GATAD1: variants seen among roughly 807,000 people sequenced by gnomAD.
GATAD1 encodes the protein GATA zinc finger domain-containing protein 1.
Under a neutral mutation model 26.5 loss-of-function variants are expected in GATAD1, and 12 were observed. The observed-to-expected ratio is 0.45, with a 90% CI of 0.29 to 0.73. The LOEUF (loss-of-function observed/expected upper bound fraction) is 0.73, where lower values mean the gene tolerates loss of function less well. Ranked by LOEUF, GATAD1 falls within the 30% of genes least tolerant of loss-of-function variation. The probability of loss-of-function intolerance (pLI) is 0.10; values close to 1 mark genes in which losing one functional copy is unlikely to be tolerated. For synonymous variants in GATAD1, 129 were observed against 133.1 expected, an observed-to-expected ratio of 0.97 and a Z score of 0.21; for missense variants, 266 against 342.1, an observed-to-expected ratio of 0.78 and a Z score of 1.75.
At chr7:92,460,378 A>G (rs1187366203), downstream of GATAD1, among the ~76,000 whole-genome samples, 1 of 152,144 alleles carries the variant, frequency 6.6e-6, no homozygotes, top group Non-Finnish European at 1.5e-5. Context: ...GTAGGAGGGT[A>G]TACCTCCTAC....
chr7:92,468,257 G>C, the GATAD1 span: 1 of 165,266 alleles, frequency 6.1e-6, no homozygotes, highest in South Asian at 1.7e-4. Context: ...CAGGAGCACA[G>C]CGGACACCCT....
the GATAD1 span, chr7:92,470,364 A>G: frequency 1.4e-6 from 1 of 711,510 alleles, no homozygotes; most frequent in Non-Finnish European, 2.6e-6. Flanking sequence ...AGAGAAAAAT[A>G]TGATAAGGGA....
chr7:92,486,686 G>A, the GATAD1 span, among the ~76,000 whole-genome samples: 2 of 151,894 alleles, frequency 1.3e-5, no homozygotes, highest in African/African-American at 4.8e-5. Context: ...TTTAAGAGAT[G>A]GGGTCTCACT....
At chr7:92,449,268 C>G in intron 2 of GATAD1, 1 of 776,416 alleles carries the variant, frequency 1.3e-6, no homozygotes, top group Non-Finnish European at 1.6e-6. Context: ...TAAATATTAA[C>G]ACTAGAACTC....
the GATAD1 span, chr7:92,493,138 A>G: frequency 1.3e-6 from 2 of 1,492,150 alleles, no homozygotes; most frequent in Non-Finnish European, 9.3e-7. Flanking sequence ...ACCTGAAAGG[A>G]GAAAAATTTA....
chr7:92,494,625 G>C, the GATAD1 span: 3 of 1,613,842 alleles, frequency 1.9e-6, no homozygotes, highest in African/African-American at 4.0e-5. Context: ...TTTGCAGCCT[G>C]TGCTCTGGGA....
the GATAD1 span, among the ~76,000 whole-genome samples, chr7:92,495,193 G>A: frequency 4.7e-4 from 71 of 151,666 alleles, no homozygotes; most frequent in East Asian, 0.012. Flanking sequence ...TTTGAACTTT[G>A]ACTTTGTTTT....
the GATAD1 span, among the ~76,000 whole-genome samples, chr7:92,476,499 C>T: frequency 6.6e-6 from 1 of 152,148 alleles, no homozygotes; most frequent in African/African-American, 2.4e-5. Flanking sequence ...CAGAGAAGAC[C>T]TTCAATTATC....
chr7:92,464,816 A>G (rs1790040938), downstream of GATAD1, among the ~76,000 whole-genome samples: 2 of 152,228 alleles, frequency 1.3e-5, no homozygotes, highest in Admixed American at 1.3e-4. Flanking sequence ...GCCCCTGGGC[A>G]CAGAGGTTAG....
the GATAD1 span, chr7:92,491,638 C>T: frequency 1.6e-6 from 1 of 641,826 alleles, no homozygotes; most frequent in Non-Finnish European, 2.7e-6. Context: ...CATTAATTCT[C>T]TAACGGTTTT....
At chr7:92,490,070 T>C in the GATAD1 span, 1 of 678,196 alleles carries the variant, frequency 1.5e-6, no homozygotes, top group African/African-American at 1.8e-5. Flanking sequence ...TGAAAAGTTG[T>C]TCATCTTTTA....
At chr7:92,491,517 AG>A in the GATAD1 span, 3 of 1,463,556 alleles carry the variant, frequency 2.0e-6, no homozygotes, top group Non-Finnish European at 2.9e-6. Flanking sequence ...AATACACAAA[AG>A]GACAACCAGT....
the GATAD1 span, among the ~76,000 whole-genome samples, chr7:92,479,458 G>A: frequency 6.6e-6 from 1 of 152,100 alleles, no homozygotes; most frequent in Non-Finnish European, 1.5e-5. Context: ...TCACAGTGGT[G>A]GAATGTCATC....
At position 92,456,765 on chromosome 7, in the gene GATAD1, G is replaced by A; in HGVS notation, c.*203G>A. 4.4e-6 allele frequency: 2 copies of A among 449,720 alleles called. No individual in the cohort carries two copies. The highest frequency in any genetic ancestry group is 5.9e-5 in the South Asian group (1 of 16,900). 27.9% of individuals were successfully genotyped at this position (449,720 alleles called of 1,614,324 possible). ...GTATCTTTAAATGAAATTCTTAGCT[G>A]GAAAAGTGACTAAAAAGTTTTTCTC... is the stretch of plus-strand genomic sequence containing the variant. On this transcript the variant is annotated 3_prime_UTR_variant, in exon 5 of 5. Transcript: ENST00000287957.
the GATAD1 span, chr7:92,477,759 G>T: frequency 5.6e-6 from 1 of 178,886 alleles, no homozygotes; most frequent in Non-Finnish European, 1.1e-5. Context: ...CACCCTGCAG[G>T]ATCCAGAGGG....
the GATAD1 span, among the ~76,000 whole-genome samples, chr7:92,481,783 A>G: frequency 2.0e-5 from 3 of 152,350 alleles, no homozygotes; most frequent in South Asian, 6.2e-4. Context: ...TGGCAAAACC[A>G]GGTATCCAAA....
chr7:92,494,186 G>C, the GATAD1 span: 1 of 834,978 alleles, frequency 1.2e-6, no homozygotes, highest in Non-Finnish European at 2.0e-6. Context: ...TTTTCCCTAA[G>C]AAAGCTGGTC....
chr7:92,448,638 T>C (rs923258373), intron 1 of GATAD1, 114 bp from the exon 2 acceptor site: 6 of 810,338 alleles, frequency 7.4e-6, no homozygotes, highest in Non-Finnish European at 1.2e-5. Flanking sequence ...ATCTTAATTG[T>C]TAAATGCTCT....
At chr7:92,484,917 T>C in the GATAD1 span, among the ~76,000 whole-genome samples, 3 of 151,726 alleles carry the variant, frequency 2.0e-5, no homozygotes, top group African/African-American at 7.3e-5. Context: ...TTCACCTGGG[T>C]GCAGGCGGGC....
Sources: allele counts gnomAD v4.1 joint callset (sites outside exome capture counted in the v4.1 genomes callset), GRCh38; gene constraint gnomAD v4.1.1; transcripts MANE v1.5; gene names NCBI Gene and HGNC (gene_info 2026-07-23, HGNC 2026-07-21).